MDFIC: variants seen among roughly 807,000 people sequenced by gnomAD.
The protein encoded by MDFIC is MyoD family inhibitor domain containing, also known as myoD family inhibitor domain-containing protein.
Under a neutral mutation model 23.2 loss-of-function variants are expected in MDFIC, and 17 were observed. That is an observed-to-expected ratio of 0.73 (90% CI 0.50 to 1.10). MDFIC has a LOEUF of 1.10. Ranked by LOEUF, MDFIC falls within the 50% of genes least tolerant of loss-of-function variation. MDFIC has a pLI of 0.00. For synonymous variants in MDFIC, 120 were observed against 115.2 expected (o/e 1.04, Z -0.27); for missense variants, 356 against 316.6 (o/e 1.12, Z -0.95).
intron 4 of MDFIC, among the ~76,000 whole-genome samples, chr7:114,988,650 A>G (rs796537835): frequency 1.3e-5 from 2 of 152,186 alleles, no homozygotes; most frequent in South Asian, 2.1e-4. Flanking sequence ...TTGGAAATTG[A>G]GTAGAAATTA....
Position 114,922,205 on chromosome 7 carries a change from G to C in MDFIC, c.-539G>C. 2.3e-6 allele frequency: 1 copy of C among 434,998 alleles called. No individual in the cohort carries two copies. Among genetic ancestry groups the C allele is most frequent in the Non-Finnish European group, 3.8e-6 (1 of 262,736 alleles). The allele number at this position is 434,998 out of a possible 1,614,324, so 26.9% of individuals were successfully genotyped here. On this transcript the variant is annotated 5_prime_UTR_variant, in exon 1 of 5. Transcript: ENST00000393486. ...CAGACAGCGCAGGGCGCGAGGGATC[G>C]CGCGGCCGAGCCCGGGTCGCGCCGC...
chr7:115,000,720 G>C (rs1317832562), intron 4 of MDFIC, among the ~76,000 whole-genome samples: 1 of 152,098 alleles, frequency 6.6e-6, no homozygotes, highest in Non-Finnish European at 1.5e-5. Flanking sequence ...TAAGTAACTT[G>C]TTTTCATGTT....
intron 4 of MDFIC, among the ~76,000 whole-genome samples, chr7:114,991,799 G>A (rs1791172067): frequency 6.6e-6 from 1 of 152,132 alleles, no homozygotes; most frequent in Admixed American, 6.6e-5. Context: ...CTCCAGCTTT[G>A]TTCTTTTGGC....
intron 4 of MDFIC, among the ~76,000 whole-genome samples, chr7:114,981,589 T>C (rs2059188784): frequency 6.6e-6 from 1 of 152,224 alleles, no homozygotes; most frequent in Non-Finnish European, 1.5e-5. Context: ...ATCTGTGTAA[T>C]CTGCTTTTAT....
At chr7:115,006,951 G>T (rs1426855079) in intron 4 of MDFIC, among the ~76,000 whole-genome samples, 7 of 30,590 alleles carry the variant, frequency 2.3e-4, no homozygotes, top group African/African-American at 5.2e-4. Context: ...AGCTTCTGGA[G>T]AAAATAAATA....
chr7:114,932,327 CTA>C (rs1211397578), intron 2 of MDFIC, among the ~76,000 whole-genome samples: 3 of 152,176 alleles, frequency 2.0e-5, no homozygotes, highest in East Asian at 1.9e-4. Flanking sequence ...GGAAAAGAAA[CTA>C]TAGATTTGCG....
chr7:115,004,380 G>A (rs866272789), intron 4 of MDFIC, among the ~76,000 whole-genome samples: 2 of 152,170 alleles, frequency 1.3e-5, no homozygotes, highest in South Asian at 2.1e-4. Context: ...TGGCAGAGGC[G>A]AAAGGATAGT....
intron 2 of MDFIC, among the ~76,000 whole-genome samples, chr7:114,940,415 C>A (rs1792516099): frequency 6.6e-6 from 1 of 152,254 alleles, no homozygotes. Context: ...ACACGGTTGA[C>A]TAACAACTTC....
At chr7:114,952,012 G>A (rs539006729) in intron 3 of MDFIC, among the ~76,000 whole-genome samples, 6 of 152,326 alleles carry the variant, frequency 3.9e-5, no homozygotes, top group East Asian at 3.9e-4. Context: ...TGCCACAACC[G>A]CGTAGTTTCG....
intron 3 of MDFIC, among the ~76,000 whole-genome samples, chr7:114,953,579 T>A (rs1321093713): frequency 6.6e-6 from 1 of 152,166 alleles, no homozygotes; most frequent in African/African-American, 2.4e-5. Context: ...AGTCAATCAG[T>A]CATTGTGTGA....
rs75594654 is a variant in MDFIC, at chr7:115,002,814, A to G, written c.494-12874A>G. On this transcript the variant is annotated intron_variant, in intron 4 of 4. Transcript: ENST00000393486. The stretch of plus-strand genomic sequence containing the variant: ...CACTCCATTGAGTAGCCCTTTCTGC[A>G]TTCGGTTTGAAGTTTCTTCTGGAGA... Among the ~76,000 whole-genome samples, 990 of 152,294 alleles carry G rather than the reference A, an allele frequency of 6.5e-3. 8 individuals carry two copies. The highest frequency in any genetic ancestry group is 0.012 in the Non-Finnish European group (785 of 68,022).
chr7:114,949,516 GT>G (rs749377668), intron 3 of MDFIC, among the ~76,000 whole-genome samples: 4 of 152,298 alleles, frequency 2.6e-5, no homozygotes, highest in Non-Finnish European at 4.4e-5. Context: ...CGTAAATTAT[GT>G]TTTTGCAGAT....
intron 4 of MDFIC, among the ~76,000 whole-genome samples, chr7:115,006,391 G>A (rs1390429529): frequency 2.6e-5 from 4 of 152,088 alleles, no homozygotes; most frequent in Non-Finnish European, 5.9e-5. Context: ...TCTGCAGTAG[G>A]CTAATATCAG....
intron 2 of MDFIC, among the ~76,000 whole-genome samples, chr7:114,940,596 A>G (rs970468055): frequency 3.9e-5 from 6 of 152,156 alleles, no homozygotes; most frequent in Admixed American, 2.6e-4. Flanking sequence ...ATGGCTTTGG[A>G]AATCAAGTTT....
At chr7:114,967,905 T>C (rs1168162590) in intron 3 of MDFIC, among the ~76,000 whole-genome samples, 1 of 151,378 alleles carries the variant, frequency 6.6e-6, no homozygotes, top group Non-Finnish European at 1.5e-5. Context: ...CTCAGCTTAC[T>C]GTAGCCTAGA....
intron 4 of MDFIC, among the ~76,000 whole-genome samples, chr7:115,009,624 C>T (rs1202839388): frequency 2.0e-5 from 3 of 152,176 alleles, no homozygotes; most frequent in Non-Finnish European, 4.4e-5. Context: ...GACATTTTCA[C>T]CAGACTTCTA....
At chr7:114,949,266 A>T (rs1466612633) in intron 3 of MDFIC, among the ~76,000 whole-genome samples, 1 of 152,194 alleles carries the variant, frequency 6.6e-6, no homozygotes, top group East Asian at 1.9e-4. Flanking sequence ...ATGGCATTAA[A>T]GTGTAAGTAG....
chr7:114,934,738 GA>G (rs1371146814), intron 2 of MDFIC, among the ~76,000 whole-genome samples: 3 of 152,172 alleles, frequency 2.0e-5, no homozygotes, highest in African/African-American at 7.2e-5. Context: ...TATAGTGTAT[GA>G]TTATATAACT....
intron 4 of MDFIC, among the ~76,000 whole-genome samples, chr7:114,995,029 T>C (rs1791292135): frequency 6.6e-6 from 1 of 152,246 alleles, no homozygotes; most frequent in Admixed American, 6.5e-5. Context: ...CCATATTTCT[T>C]GGAGACTTTG....
Sources: allele counts gnomAD v4.1 joint callset (sites outside exome capture counted in the v4.1 genomes callset), GRCh38; gene constraint gnomAD v4.1.1; transcripts MANE v1.5; gene names NCBI Gene and HGNC (gene_info 2026-07-23, HGNC 2026-07-21).